Variants in SEL1L2 observed in about 807,000 individuals in gnomAD.
SEL1L2 encodes SEL1L2 adaptor subunit of SYVN1 ubiquitin ligase.
A neutral mutation model predicts 98.8 loss-of-function variants in SEL1L2; 89 were observed. The ratio of observed to expected loss-of-function variants is 0.90; its 90% CI spans 0.76 to 1.07. The LOEUF is 1.07. SEL1L2 is among the 50% of genes least tolerant of loss of function. The pLI is 0.00. For missense variants in SEL1L2, 788 were observed against 812.0 expected (o/e 0.97, Z 0.36); for synonymous variants, 262 against 278.5 (o/e 0.94, Z 0.59).
chr20:13,890,594 TAACAAC>T (rs906348427), intron 5 of SEL1L2, among the ~76,000 whole-genome samples: 1 of 151,234 alleles, frequency 6.6e-6, no homozygotes, highest in Non-Finnish European at 1.5e-5. Context: ...AGCAAAATAA[TAACAAC>T]AACAACAACA....
intron 1 of SEL1L2, among the ~76,000 whole-genome samples, chr20:13,967,901 G>T (rs2051122719): frequency 6.6e-6 from 1 of 152,086 alleles, no homozygotes; most frequent in African/African-American, 2.4e-5. Context: ...TAACAGAAAT[G>T]ATTTACAATC....
In SEL1L2 at chr20:13,911,878, C is replaced by A. The variant is rs548764250; in HGVS notation, c.549+1904G>T. Among the ~76,000 whole-genome samples, 5 of 152,134 alleles carry A rather than the reference C, an allele frequency of 3.3e-5. No homozygotes were observed. In the East Asian group the frequency reaches 7.7e-4, roughly 23 times the overall value. On this transcript the variant is annotated intron_variant, in intron 5 of 19. Transcript: ENST00000284951. Reference sequence around the variant, plus strand: ...CTTGCTTAAATTTTATATCCTTTGACCAATATCTCCCTAATCCCTACTCCT... The same window carrying A: ...CTTGCTTAAATTTTATATCCTTTGAACAATATCTCCCTAATCCCTACTCCT...
At chr20:13,878,702 T>C (rs1311791177) in intron 10 of SEL1L2, among the ~76,000 whole-genome samples, 1 of 152,208 alleles carries the variant, frequency 6.6e-6, no homozygotes, top group Non-Finnish European at 1.5e-5. Context: ...ATGCATCCAT[T>C]CATCCATCCA....
chr20:13,875,020 C>A (rs1600552196), intron 12 of SEL1L2, among the ~76,000 whole-genome samples: 1 of 152,296 alleles, frequency 6.6e-6, no homozygotes, highest in Admixed American at 6.5e-5. Flanking sequence ...ACCAGCCTCA[C>A]GGACCCCAGG....
At chr20:13,972,252 A>ATTCATTCAGATGTACAGC (rs2051319405) in intron 1 of SEL1L2, among the ~76,000 whole-genome samples, 2 of 152,222 alleles carry the variant, frequency 1.3e-5, no homozygotes, top group Admixed American at 1.3e-4. Flanking sequence ...TGCAACACAG[A>ATTCATTCAGATGTACAGC]TTCATTCAGA....
chr20:13,884,578 G>A (rs1260045904), intron 10 of SEL1L2, among the ~76,000 whole-genome samples: 1 of 152,074 alleles, frequency 6.6e-6, no homozygotes, highest in Admixed American at 6.6e-5. Context: ...CATGATCTGG[G>A]CTCACTGCAA....
intron 6 of SEL1L2, 109 bp from the exon 7 acceptor site, chr20:13,888,110 T>C: frequency 1.2e-6 from 1 of 865,006 alleles, no homozygotes; most frequent in Non-Finnish European, 1.8e-6. Context: ...AATGACCCAT[T>C]GAGTTACTCC....
chr20:13,917,785 T>A (rs113123586), intron 4 of SEL1L2, among the ~76,000 whole-genome samples: 1 of 125,662 alleles, frequency 8.0e-6, no homozygotes, highest in Non-Finnish European at 1.6e-5. Flanking sequence ...TTTCTTTCTT[T>A]CTTTTTTTTT....
intron 5 of SEL1L2, among the ~76,000 whole-genome samples, chr20:13,909,039 T>C (rs543985415): frequency 8.0e-4 from 122 of 152,290 alleles, no homozygotes; most frequent in African/African-American, 2.9e-3. Context: ...TATTTCCTTA[T>C]TTCTGACTGT....
chr20:13,864,870 T>C (rs933409285), intron 17 of SEL1L2, among the ~76,000 whole-genome samples: 1 of 152,336 alleles, frequency 6.6e-6, no homozygotes, highest in Admixed American at 6.5e-5. Context: ...CCAAGAAAAC[T>C]GGTTTTTTGA....
In SEL1L2 at chr20:13,939,040, G is replaced by GGTTTTTTTTTT; in HGVS notation, c.115-7270_115-7269insAAAAAAAAAAC. Reference sequence around the variant, plus strand: ...TCTTTTTGGTTTGTTTGCTTGTTTTGTTTTTTTTTTTTTTTTTTTCTGAGA... The same window carrying GGTTTTTTTTTT: ...TCTTTTTGGTTTGTTTGCTTGTTTTGGTTTTTTTTTTTTTTTTTTTTTTTTTTTTTCTGAGA... On this transcript the variant is annotated intron_variant, in intron 2 of 19. Coordinates refer to ENST00000284951, the MANE Select transcript of SEL1L2 (RefSeq NM_025229.2). 1.4e-3 allele frequency among the ~76,000 whole-genome samples: 159 copies of GGTTTTTTTTTT among 114,062 alleles called. 15 individuals are homozygous for GGTTTTTTTTTT. The highest frequency in any genetic ancestry group is 2.0e-3 in the Non-Finnish European group (115 of 57,518). 74.8% of individuals were successfully genotyped at this position (114,062 alleles called of 152,430 possible).
rs116257339 is a variant in SEL1L2 at position 13,954,668 on chromosome 20, A to G, written c.114+1408T>C. Reference sequence around the variant, plus strand: ...TTCCCATCTTTACTCTGGAGGTCTCATCTTCTAATGCTGGGCATTGGGTAG... The same window carrying G: ...TTCCCATCTTTACTCTGGAGGTCTCGTCTTCTAATGCTGGGCATTGGGTAG... On this transcript the variant is annotated intron_variant, in intron 2 of 19. Transcript: ENST00000284951. Among the ~76,000 whole-genome samples, 982 of 152,260 alleles carry G rather than the reference A, an allele frequency of 6.4e-3. 8 individuals carry two copies. The highest frequency in any genetic ancestry group is 0.022 in the African/African-American group (915 of 41,548).
intron 17 of SEL1L2, among the ~76,000 whole-genome samples, chr20:13,864,190 T>C (rs1482889507): frequency 1.3e-5 from 2 of 152,112 alleles, no homozygotes; most frequent in Admixed American, 6.5e-5. Context: ...TTATAAAACA[T>C]AGACTTTTTA....
intron 5 of SEL1L2, among the ~76,000 whole-genome samples, chr20:13,904,227 T>TA (rs2047816002): frequency 6.6e-6 from 1 of 152,098 alleles, no homozygotes; most frequent in African/African-American, 2.4e-5. Context: ...ACACCAAAAA[T>TA]AAAAAATATA....
intron 5 of SEL1L2, among the ~76,000 whole-genome samples, chr20:13,904,358 G>A (rs1298000918): frequency 1.1e-4 from 16 of 152,096 alleles, no homozygotes; most frequent in African/African-American, 3.9e-4. Context: ...GTGAAACCCT[G>A]TCTCTACTAA....
At chr20:13,896,524 C>CA (rs2047437176) in intron 5 of SEL1L2, among the ~76,000 whole-genome samples, 2 of 147,158 alleles carry the variant, frequency 1.4e-5, no homozygotes, top group Admixed American at 6.8e-5. Flanking sequence ...CCCCCACACA[C>CA]AAAAAACTAA....
In SEL1L2 at chr20:13,921,431, C is replaced by T. The variant is rs1400907749; in HGVS notation, c.284-2308G>A. ...AAGTGATCTGCCCACCTTGGCTTCC[C>T]AAAATGCTGGGATTACAGGCGTGAG... is the stretch of plus-strand genomic sequence containing the variant. On this transcript the variant is annotated intron_variant, in intron 3 of 19. Coordinates refer to ENST00000284951, the MANE Select transcript of SEL1L2 (RefSeq NM_025229.2). 8.5e-5 allele frequency among the ~76,000 whole-genome samples: 13 copies of T among 152,312 alleles called. No individual in the cohort carries two copies. The East Asian group carries it at 2.5e-3, about 29-fold the overall frequency.
At chr20:13,888,221 T>C (rs530981034) in intron 6 of SEL1L2, among the ~76,000 whole-genome samples, 17 of 152,336 alleles carry the variant, frequency 1.1e-4, no homozygotes, top group Admixed American at 2.6e-4. Flanking sequence ...GTATAAGATA[T>C]TTCATTTAAT....
intron 5 of SEL1L2, among the ~76,000 whole-genome samples, chr20:13,909,932 C>T (rs1203273526): frequency 6.6e-6 from 1 of 152,164 alleles, no homozygotes; most frequent in East Asian, 1.9e-4. Flanking sequence ...GATCACTCCA[C>T]TGCACTCCAG....
Sources: gnomAD v4.1 joint callset for allele counts (sites outside exome capture counted in the v4.1 genomes callset) on GRCh38, gnomAD v4.1.1 for gene constraint, MANE v1.5 for transcripts, NCBI Gene and HGNC (gene_info 2026-07-23, HGNC 2026-07-21) for gene names.